The following PDS5B variants were observed in gnomAD, a reference collection of about 807,000 sequenced individuals.
The protein encoded by PDS5B is PDS5 cohesin associated factor B, also known as sister chromatid cohesion protein PDS5 homolog B.
A neutral mutation model predicts 184.1 loss-of-function variants in PDS5B; 51 were observed. The ratio of observed to expected loss-of-function variants is 0.28; its 90% CI spans 0.22 to 0.35. The LOEUF (loss-of-function observed/expected upper bound fraction) is 0.35. Among genes scored for constraint, PDS5B ranks in the 10% least tolerant of loss-of-function variants. PDS5B has a pLI of 1.00. For synonymous variants in PDS5B, 566 were observed against 569.2 expected (o/e 0.99, Z 0.08); for missense variants, 1,180 against 1,723.3 (o/e 0.68, Z 5.58).
intron 28 of PDS5B, among the ~76,000 whole-genome samples, chr13:32,759,231 C>G (rs903582060): frequency 6.7e-6 from 1 of 149,372 alleles, no homozygotes; most frequent in Non-Finnish European, 1.5e-5. Context: ...GCTTTTAAAG[C>G]AAAATGCCAG....
At chr13:32,591,070 G>A (rs967170215) in intron 1 of PDS5B, among the ~76,000 whole-genome samples, 1 of 151,108 alleles carries the variant, frequency 6.6e-6, no homozygotes, top group Non-Finnish European at 1.5e-5. Flanking sequence ...AAAAAAAATT[G>A]TACAAAGAGT....
chr13:32,759,707 ATT>A lies in PDS5B; in HGVS notation c.3372+20_3372+21del. The A allele has an allele frequency of 7.0e-7, 1 of 1,420,300 alleles. No individual in the cohort carries two copies. 88.0% of individuals were successfully genotyped at this position (1,420,300 alleles called of 1,614,324 possible). ...CCTGGAAAAGTATGTTTTGAGAATC[ATT>A]TTAATTTTTATGTGGTAGCTTATTT... On this transcript the variant is annotated intron_variant, in intron 29 of 34. Transcript: ENST00000315596.
At chr13:32,622,356 ACTTT>A (rs2058314112) in intron 1 of PDS5B, among the ~76,000 whole-genome samples, 1 of 152,076 alleles carries the variant, frequency 6.6e-6, no homozygotes, top group African/African-American at 2.4e-5. Flanking sequence ...TATGGAAATG[ACTTT>A]CTTTTTTTTT....
At chr13:32,681,091 T>G (rs1951225446) in intron 10 of PDS5B, among the ~76,000 whole-genome samples, 1 of 152,198 alleles carries the variant, frequency 6.6e-6, no homozygotes, top group African/African-American at 2.4e-5. Context: ...CGTTTCCTTC[T>G]TAGGCTCATA....
At chr13:32,717,055 C>T (rs796506405) in intron 19 of PDS5B, among the ~76,000 whole-genome samples, 47,191 of 89,502 alleles carry the variant, frequency 0.53, 8,882 homozygotes, top group Non-Finnish European at 0.56. Context: ...CCGCCTCGTC[C>T]GGGAGGGAGG....
rs140734009 is a variant in PDS5B, at chr13:32,681,030, TACTG to T, written c.1057+2107_1057+2110del. ...GGTTACATAGGCCGCAAAGGATTTATACTGACTGAGTAGGAGAGAGGCAGTGCTG... is the reference window on the plus strand; with the variant it reads ...GGTTACATAGGCCGCAAAGGATTTATACTGAGTAGGAGAGAGGCAGTGCTG... On this transcript the variant is annotated intron_variant, in intron 10 of 34. Transcript: ENST00000315596. Among the ~76,000 whole-genome samples, 671 of 152,348 alleles carry T rather than the reference TACTG, an allele frequency of 4.4e-3. 6 individuals are homozygous for T. The highest frequency in any genetic ancestry group is 0.016 in the African/African-American group (646 of 41,580).
intron 19 of PDS5B, among the ~76,000 whole-genome samples, chr13:32,716,134 T>A (rs1313274767): frequency 6.7e-6 from 1 of 149,834 alleles, no homozygotes; most frequent in Non-Finnish European, 1.5e-5. Context: ...GTCTGGGACG[T>A]GAGGAGCCCC....
intron 19 of PDS5B, among the ~76,000 whole-genome samples, chr13:32,721,672 C>T (rs1273603428): frequency 6.6e-6 from 1 of 151,288 alleles, no homozygotes; most frequent in Admixed American, 6.6e-5. Flanking sequence ...CTCCCCACGT[C>T]CCAGATAGTG....
chr13:32,715,082 C>T (rs1207810040), intron 19 of PDS5B, among the ~76,000 whole-genome samples: 1 of 152,198 alleles, frequency 6.6e-6, no homozygotes, highest in African/African-American at 2.4e-5. Flanking sequence ...TTCAGCTGGT[C>T]CCTCTGTTTG....
Position 32,753,497 on chromosome 13 carries a change from G to A in PDS5B, c.2902G>A (p.Val968Ile), listed in dbSNP as rs1402415374. 3 of 1,613,620 alleles carry A rather than the reference G, an allele frequency of 1.9e-6. No individual in the cohort carries two copies. The Admixed American group carries it at 5.0e-5, about 27-fold the overall frequency. The change falls in exon 25 of 35, where the codon GTA becomes ATA. Residue 968 changes from valine to isoleucine, a missense_variant. Coordinates refer to ENST00000315596, the MANE Select transcript of PDS5B (RefSeq NM_015032.4). ...GCAATGTTTGGTGAAAAATATAAAT[G>A]TAAGGCGGGAGTATCTGAAGCAGCA... is the stretch of plus-strand genomic sequence containing the variant. ...ARQCLVKNIN[V>I]RREYLKQHAA...
At chr13:32,759,572 C>A in intron 28 of PDS5B, 56 bp from the exon 29 acceptor site, 1 of 766,772 alleles carries the variant, frequency 1.3e-6, no homozygotes, top group Non-Finnish European at 2.1e-6. Flanking sequence ...GCTTTTGAAC[C>A]ACCTGTAGAT....
chr13:32,643,059 A>AT (rs1950138415), intron 1 of PDS5B, among the ~76,000 whole-genome samples: 1 of 152,130 alleles, frequency 6.6e-6, no homozygotes. Flanking sequence ...CTCTGTCTAC[A>AT]TTGTATAGCT....
intron 19 of PDS5B, among the ~76,000 whole-genome samples, chr13:32,722,652 G>C (rs1425912489): frequency 3.3e-5 from 5 of 152,234 alleles, no homozygotes; most frequent in Non-Finnish European, 7.3e-5. Context: ...ATGTATGACT[G>C]TATTTTAAAC....
intron 1 of PDS5B, among the ~76,000 whole-genome samples, chr13:32,597,804 G>A (rs980411671): frequency 1.3e-5 from 2 of 150,424 alleles, no homozygotes; most frequent in Non-Finnish European, 2.9e-5. Context: ...CAGAGGTCGT[G>A]CCACTGCACT....
chr13:32,695,202 C>T (rs751108957), intron 14 of PDS5B, among the ~76,000 whole-genome samples: 3 of 151,866 alleles, frequency 2.0e-5, no homozygotes, highest in Non-Finnish European at 2.9e-5. Flanking sequence ...TTTTGTACCA[C>T]CTTTTTTGCC....
In PDS5B at chr13:32,678,885, G is replaced by A. The variant is rs1436949681; in HGVS notation, c.1013G>A (p.Ser338Asn). The A allele has an allele frequency of 1.2e-6, 2 of 1,609,058 alleles. No homozygotes were observed. Among genetic ancestry groups the A allele is most frequent in the African/African-American group, 1.3e-5 (1 of 74,810 alleles). The change falls in exon 10 of 35, where the codon AGC becomes AAC. Residue 338 changes from serine to asparagine, a missense_variant. Ser to Asn is a conservative substitution (Grantham distance 46, BLOSUM62 1). Coordinates refer to ENST00000315596, the MANE Select transcript of PDS5B (RefSeq NM_015032.4). ...CGCCTGGAATGTGTGAAATTTGCTA[G>A]CCATTGTCTCATGAACCATCCTGAT... ...PIRLECVKFA[S>N]HCLMNHPDLA...
At chr13:32,691,891 A>G (rs149699611) in intron 13 of PDS5B, among the ~76,000 whole-genome samples, 4 of 152,144 alleles carry the variant, frequency 2.6e-5, no homozygotes, top group Admixed American at 6.6e-5. Context: ...ATGAGTATCA[A>G]ATTTTCTTAT....
chr13:32,638,565 T>C (rs954079290), intron 1 of PDS5B, among the ~76,000 whole-genome samples: 12 of 152,068 alleles, frequency 7.9e-5, no homozygotes, highest in African/African-American at 2.7e-4. Flanking sequence ...AGGGGAGGTA[T>C]TTGTAGTCTA....
intron 7 of PDS5B, 52 bp from the exon 8 acceptor site, chr13:32,673,164 C>G (rs1436854383): frequency 6.7e-7 from 1 of 1,493,252 alleles, no homozygotes; most frequent in Non-Finnish European, 9.2e-7. Flanking sequence ...TTAAAACATT[C>G]AACTTGTCTC....
Sources: allele counts gnomAD v4.1 joint callset (sites outside exome capture counted in the v4.1 genomes callset), GRCh38; gene constraint gnomAD v4.1.1; transcripts MANE v1.5; gene names NCBI Gene and HGNC (gene_info 2026-07-23, HGNC 2026-07-21).